CSMD1: variants seen among roughly 807,000 people sequenced by gnomAD.
The protein encoded by CSMD1 is CUB and sushi domain-containing protein 1.
CSMD1 carries 213 observed loss-of-function variants against 417.5 expected under a neutral mutation model. That is an observed-to-expected ratio of 0.51 (90% CI 0.46 to 0.57). CSMD1 has a LOEUF of 0.57. Among genes scored for constraint, CSMD1 ranks in the 20% least tolerant of loss-of-function variants. The pLI is 0.00. For synonymous variants in CSMD1, 2,862 were observed against 1,736.8 expected (o/e 1.65, Z -16.11); for missense variants, 6,923 against 4,529.7 (o/e 1.53, Z -15.17).
intron 62 of CSMD1, among the ~76,000 whole-genome samples, chr8:2,958,119 T>C (rs1002017560): frequency 5.9e-5 from 9 of 152,200 alleles, no homozygotes; most frequent in African/African-American, 1.7e-4. Flanking sequence ...ATTTCCTTTT[T>C]CATTTTTTTC....
intron 2 of CSMD1, among the ~76,000 whole-genome samples, chr8:4,617,701 C>T (rs929075359): frequency 2.0e-5 from 3 of 152,130 alleles, no homozygotes; most frequent in African/African-American, 7.2e-5. Flanking sequence ...TGAATCTGTT[C>T]TTCATCACTC....
chr8:4,854,442 A>G lies in CSMD1; in HGVS notation c.85+139890T>C, dbSNP rs546515443. On this transcript the variant is annotated intron_variant, in intron 1 of 69. Transcript: ENST00000635120. ...GGCCGAATAGGAACAGCTCCGGTCT[A>G]CAGCTCCCACTGTGAGCGACGCAGA... Among the ~76,000 whole-genome samples, 18 of 152,296 alleles carry G rather than the reference A, an allele frequency of 1.2e-4. No individual in the cohort carries two copies. In the South Asian group the frequency reaches 3.5e-3, roughly 30 times the overall value.
chr8:4,589,983 G>C (rs1429408478), intron 2 of CSMD1, among the ~76,000 whole-genome samples: 4 of 152,194 alleles, frequency 2.6e-5, no homozygotes, highest in Non-Finnish European at 5.9e-5. Flanking sequence ...AAGTGCTTAA[G>C]ATACTGTCTG....
At chr8:3,432,847 G>C (rs950973388) in intron 12 of CSMD1, among the ~76,000 whole-genome samples, 1 of 152,104 alleles carries the variant, frequency 6.6e-6, no homozygotes, top group African/African-American at 2.4e-5. Flanking sequence ...CATTGTTTAT[G>C]TGAAATGGAT....
chr8:3,997,872 A>C (rs1230464659), intron 5 of CSMD1, 31 bp downstream of exon 5: 1 of 1,586,546 alleles, frequency 6.3e-7, no homozygotes, highest in Admixed American at 1.7e-5. Flanking sequence ...ACACACCTGT[A>C]TCCTTTGTGG....
chr8:4,584,751 C>A (rs1468798300), intron 2 of CSMD1, among the ~76,000 whole-genome samples: 1 of 152,104 alleles, frequency 6.6e-6, no homozygotes, highest in Non-Finnish European at 1.5e-5. Flanking sequence ...CTAATGCCGG[C>A]CAGACAAACT....
intron 5 of CSMD1, among the ~76,000 whole-genome samples, chr8:3,867,649 A>G (rs1488829277): frequency 6.6e-6 from 1 of 152,168 alleles, no homozygotes; most frequent in African/African-American, 2.4e-5. Context: ...ATATCTATGT[A>G]TAGTATCTTG....
Position 2,962,427 on chromosome 8 carries a change from T to C in CSMD1, c.9628+39A>G, listed in dbSNP as rs1206281392. On this transcript the variant is annotated intron_variant, in intron 61 of 69. Coordinates refer to ENST00000635120, the MANE Select transcript of CSMD1 (RefSeq NM_033225.6). ...GGAATGAAGCGTCCTCATCTCCAAA[T>C]ACTCCCAGGTATCCCCAGAGCTGTA... 3.2e-6 allele frequency: 5 copies of C among 1,565,346 alleles called. No homozygotes were observed. In the African/African-American group the frequency reaches 4.1e-5, roughly 13 times the overall value.
intron 5 of CSMD1, among the ~76,000 whole-genome samples, chr8:3,904,425 C>T (rs761395941): frequency 1.3e-5 from 2 of 152,090 alleles, no homozygotes. Flanking sequence ...GCTTCTCAAA[C>T]TTGAGTGTGT....
intron 10 of CSMD1, among the ~76,000 whole-genome samples, chr8:3,533,667 C>T (rs1351039555): frequency 6.6e-6 from 1 of 152,164 alleles, no homozygotes; most frequent in Non-Finnish European, 1.5e-5. Context: ...CCATGAGCTT[C>T]ACTCCACTAA....
chr8:3,108,619 A>T lies in CSMD1; in HGVS notation c.6738T>A (p.Phe2246Leu). ...TCAACTGACCGTGGAAATTGAGGAC[A>T]AAGAAGCCTCCATTTGAAAAGTCGC... is the stretch of plus-strand genomic sequence containing the variant. ...FHSDFSNGGF[F>L]VLNFHAFQLK... is the part of the protein sequence containing the mutation. Residue 2246 changes from phenylalanine to leucine, a missense_variant, in exon 44 of 70, where the codon TTT (phenylalanine) becomes TTA (leucine). Coordinates refer to ENST00000635120, the MANE Select transcript of CSMD1 (RefSeq NM_033225.6). 1 of 1,613,848 alleles carries T rather than the reference A, an allele frequency of 6.2e-7. No individual in the cohort carries two copies. The highest frequency in any genetic ancestry group is 8.5e-7 in the Non-Finnish European group (1 of 1,179,852).
intron 3 of CSMD1, among the ~76,000 whole-genome samples, chr8:4,161,790 A>C (rs368950434): frequency 1.3e-5 from 2 of 152,192 alleles, no homozygotes; most frequent in East Asian, 1.9e-4. Context: ...TGTGCAAAAG[A>C]AACAAAATTT....
chr8:3,895,812 A>T (rs183810128), intron 5 of CSMD1, among the ~76,000 whole-genome samples: 3 of 152,308 alleles, frequency 2.0e-5, no homozygotes, highest in Non-Finnish European at 2.9e-5. Flanking sequence ...TTGTACCTGC[A>T]GTGTGAGCCA....
intron 1 of CSMD1, among the ~76,000 whole-genome samples, chr8:4,708,843 T>A (rs1293321478): frequency 6.6e-6 from 1 of 152,164 alleles, no homozygotes; most frequent in African/African-American, 2.4e-5. Flanking sequence ...TAATCCGACA[T>A]GACTGGTGTT....
rs146232184 is a variant in CSMD1, at chr8:4,249,583, C to A, written c.415+170370G>T. ...CGGATCTAACCATCTTAGCTTGAAG[C>A]TGTGTATTGAGAGAATGGTGTTAAG... On this transcript the variant is annotated intron_variant, in intron 3 of 69. Coordinates refer to ENST00000635120, the MANE Select transcript of CSMD1 (RefSeq NM_033225.6). Among the ~76,000 whole-genome samples, 342 of 152,282 alleles carry A rather than the reference C, an allele frequency of 2.2e-3. 5 individuals carry two copies. In the South Asian group the frequency reaches 0.04, roughly 18 times the overall value.
chr8:3,671,875 G>A (rs1008057934), intron 7 of CSMD1, among the ~76,000 whole-genome samples: 5 of 151,934 alleles, frequency 3.3e-5, no homozygotes, highest in African/African-American at 7.3e-5. Context: ...TCTATCACTG[G>A]GAGATGGGGC....
chr8:4,796,419 C>T (rs955697890), intron 1 of CSMD1, among the ~76,000 whole-genome samples: 1 of 152,064 alleles, frequency 6.6e-6, no homozygotes. Context: ...AGGAAACTTG[C>T]ATTTGCAATT....
At chr8:3,608,794 G>C (rs1801747892) in intron 8 of CSMD1, among the ~76,000 whole-genome samples, 2 of 151,428 alleles carry the variant, frequency 1.3e-5, no homozygotes, top group Admixed American at 1.3e-4. Flanking sequence ...ACGTCCAGCA[G>C]TGTGCATCAC....
intron 10 of CSMD1, among the ~76,000 whole-genome samples, chr8:3,543,872 C>T (rs926142481): frequency 2.0e-5 from 3 of 152,064 alleles, no homozygotes; most frequent in Non-Finnish European, 4.4e-5. Flanking sequence ...GGATCAGAGT[C>T]AGGACAGATG....
Sources: gnomAD v4.1 joint callset for allele counts (sites outside exome capture counted in the v4.1 genomes callset) on GRCh38, gnomAD v4.1.1 for gene constraint, MANE v1.5 for transcripts, NCBI Gene and HGNC (gene_info 2026-07-23, HGNC 2026-07-21) for gene names.